MROH2B: variants seen among roughly 807,000 people sequenced by gnomAD.
The protein encoded by MROH2B is maestro heat-like repeat-containing protein family member 2B.
MROH2B carries 177 observed loss-of-function variants against 208.6 expected under a neutral mutation model. The observed-to-expected ratio is 0.85, with a 90% confidence interval of 0.75 to 0.96. MROH2B has a LOEUF of 0.96. MROH2B is among the 40% of genes least tolerant of loss of function. The pLI, the probability that MROH2B is intolerant of heterozygous loss-of-function variation, is 0.00. For missense variants in MROH2B, 2,002 were observed against 1,878.7 expected, an observed-to-expected ratio of 1.07 and a Z score of -1.21; for synonymous variants, 728 against 659.0, an observed-to-expected ratio of 1.10 and a Z score of -1.60.
rs1554046476 is a variant in MROH2B at position 41,004,425 on chromosome 5, A to AC, written c.4114_4115insG (p.Ile1372SerfsTer26). 1 of 1,613,646 alleles carries AC rather than the reference A, an allele frequency of 6.2e-7. No homozygotes were observed. The highest frequency in any genetic ancestry group is 1.3e-5 in the African/African-American group (1 of 74,864). On this transcript the variant is annotated frameshift_variant, in exon 37 of 42. Coordinates refer to ENST00000399564, the MANE Select transcript of MROH2B (RefSeq NM_173489.5). LOFTEE classifies it high-confidence loss of function. Reference sequence around the variant, plus strand: ...GTCTCGGTCTGTCAGCAGCTCCAGGATTTTTTTTAGAGCCTTCAAGCTTTC... The same window carrying AC: ...GTCTCGGTCTGTCAGCAGCTCCAGGACTTTTTTTTAGAGCCTTCAAGCTTTC...
At chr5:41,001,495 G>A (rs1184597139) in intron 37 of MROH2B, among the ~76,000 whole-genome samples, 1 of 152,132 alleles carries the variant, frequency 6.6e-6, no homozygotes, top group Non-Finnish European at 1.5e-5. Context: ...CAGATCACCT[G>A]AGGTCAAGAG....
chr5:41,000,759 C>G lies in MROH2B; in HGVS notation c.4269G>C (p.Lys1423Asn). ...DLAPLTGRRW[K>N]IFFAEEIKKS... ...TTTTTATTTCTTCAGCAAAAAAAAT[C>G]TTCCACCTTCTTCCTGTTAGGGGTG... Residue 1423 changes from lysine to asparagine, a missense_variant, in exon 38 of 42, where the codon AAG becomes AAC. Coordinates refer to ENST00000399564, the MANE Select transcript of MROH2B (RefSeq NM_173489.5). The G allele has an allele frequency of 6.2e-7, 1 of 1,610,448 alleles. No individual in the cohort carries two copies. Among genetic ancestry groups the G allele is most frequent in the Non-Finnish European group, 8.5e-7 (1 of 1,178,336 alleles).
At chr5:41,024,306 C>G (rs1292220405) in intron 24 of MROH2B, among the ~76,000 whole-genome samples, 1 of 152,006 alleles carries the variant, frequency 6.6e-6, no homozygotes, top group Non-Finnish European at 1.5e-5. Context: ...CATGCAGAGA[C>G]ACACATAGGC....
rs1042439530 is a variant in MROH2B, at chr5:41,042,211, G to T, written c.1837-3C>A. 16 of 1,528,304 alleles carry T rather than the reference G, an allele frequency of 1.0e-5. No homozygotes were observed. The African/African-American group carries it at 1.6e-4, about 16-fold the overall frequency. 94.7% of individuals were successfully genotyped at this position (1,528,304 alleles called of 1,614,324 possible). A position where few individuals can be genotyped will look rare whatever the true frequency, so the allele number is the denominator to read the frequency against. On this transcript the variant is annotated splice_region_variant and splice_polypyrimidine_tract_variant and intron_variant, in intron 18 of 41. Transcript: ENST00000399564. ...CCCAAGGCTTTCCAAAGGAATTTCTGGAAAACAAAAGATAAGCAACAGGAT... is the reference window on the plus strand; with the variant it reads ...CCCAAGGCTTTCCAAAGGAATTTCTTGAAAACAAAAGATAAGCAACAGGAT...
At chr5:41,015,858 T>A (rs942486157) in intron 28 of MROH2B, among the ~76,000 whole-genome samples, 19 of 152,340 alleles carry the variant, frequency 1.2e-4, no homozygotes, top group Non-Finnish European at 2.2e-4. Flanking sequence ...TATGCTGCTA[T>A]CTCTCTTGGA....
chr5:41,025,556 CA>C (rs1466942090), intron 24 of MROH2B, among the ~76,000 whole-genome samples: 1 of 151,882 alleles, frequency 6.6e-6, no homozygotes, highest in Non-Finnish European at 1.5e-5. Context: ...GCTTACCAAC[CA>C]AAAAAAGTCC....
chr5:41,045,684 C>A, intron 18 of MROH2B, 62 bp downstream of exon 18: 1 of 1,241,412 alleles, frequency 8.1e-7, no homozygotes, highest in Non-Finnish European at 1.2e-6. Flanking sequence ...CAAGATGGAG[C>A]TAGAGCAGCC....
At chr5:41,062,747 T>G (rs1035660340) in intron 5 of MROH2B, among the ~76,000 whole-genome samples, 11 of 152,210 alleles carry the variant, frequency 7.2e-5, no homozygotes, top group Non-Finnish European at 1.0e-4. Context: ...CGGCCATTTA[T>G]TGGCTCATTC....
At chr5:41,045,347 A>C (rs1237075866) in intron 18 of MROH2B, among the ~76,000 whole-genome samples, 3 of 152,142 alleles carry the variant, frequency 2.0e-5, no homozygotes, top group African/African-American at 7.2e-5. Flanking sequence ...AGCTTTTGTT[A>C]AATTGTAGTA....
chr5:41,010,164 G>A, intron 30 of MROH2B, 85 bp from the exon 31 acceptor site: 1 of 1,236,410 alleles, frequency 8.1e-7, no homozygotes. Flanking sequence ...GTCGTGGATG[G>A]GCAGCTGATG....
In MROH2B at chr5:41,038,977, T is replaced by C. The variant is rs73750227; in HGVS notation, c.2062-89A>G. On this transcript the variant is annotated intron_variant, in intron 20 of 41. Transcript: ENST00000399564. ...TTTTTCCTAATCCTGTGGACCACTA[T>C]AGGGGATAAGAAACTGGACTGGGAT... 580 of 1,210,092 alleles carry C rather than the reference T, an allele frequency of 4.8e-4. 3 individuals are homozygous for C. The African/African-American group carries it at 6.1e-3, about 13-fold the overall frequency. The allele number at this position is 1,210,092 out of a possible 1,614,324, so 75.0% of individuals were successfully genotyped here.
At chr5:41,061,338 C>A (rs934099709) in intron 6 of MROH2B, among the ~76,000 whole-genome samples, 1 of 152,002 alleles carries the variant, frequency 6.6e-6, no homozygotes, top group Non-Finnish European at 1.5e-5. Context: ...GCTACAACCT[C>A]GGCATCTGGA....
intron 30 of MROH2B, 130 bp downstream of exon 30, chr5:41,012,453 A>C: frequency 9.4e-6 from 8 of 854,936 alleles, no homozygotes; most frequent in African/African-American, 1.7e-5. Flanking sequence ...GTAGGTCTCT[A>C]ATGAGGCCTC....
intron 17 of MROH2B, among the ~76,000 whole-genome samples, chr5:41,046,133 T>A (rs1354760106): frequency 6.6e-6 from 1 of 152,168 alleles, no homozygotes; most frequent in African/African-American, 2.4e-5. Context: ...ACCTAAAATA[T>A]AAACTAATCC....
chr5:41,016,500 T>G (rs959709792), intron 28 of MROH2B, among the ~76,000 whole-genome samples: 4 of 129,370 alleles, frequency 3.1e-5, no homozygotes, highest in African/African-American at 1.2e-4. Flanking sequence ...ACTGTAATGT[T>G]TTTTTTTTTT....
At chr5:41,039,652 G>A in intron 19 of MROH2B, 97 bp from the exon 20 acceptor site, 1 of 795,350 alleles carries the variant, frequency 1.3e-6, no homozygotes, top group Non-Finnish European at 2.0e-6. Context: ...TCCTTTAGGT[G>A]CTGGGGGTAC....
rs1253777195 is a variant in MROH2B at position 41,054,775 on chromosome 5, TG to T, written c.1098del (p.Ser367ValfsTer4). The T allele has an allele frequency of 3.1e-6, 5 of 1,607,536 alleles. No homozygotes were observed. Among genetic ancestry groups the T allele is most frequent in the Non-Finnish European group, 4.3e-6 (5 of 1,176,258 alleles). ...TCTATTAATTCTCTTACTTTTGTACTGAGATCACCCATGACGATTTTGACTG... is the reference window on the plus strand; with the variant it reads ...TCTATTAATTCTCTTACTTTTGTACTAGATCACCCATGACGATTTTGACTG... ...ERTVKIVMGD[L>X]STKVRNSVLL... On this transcript the variant is annotated frameshift_variant, in exon 11 of 42. Coordinates refer to ENST00000399564, the MANE Select transcript of MROH2B (RefSeq NM_173489.5). LOFTEE classifies it high-confidence loss of function.
chr5:41,068,525 C>T (rs1016049362), intron 2 of MROH2B, among the ~76,000 whole-genome samples: 3 of 152,154 alleles, frequency 2.0e-5, no homozygotes, highest in Non-Finnish European at 4.4e-5. Flanking sequence ...GTTAGTGTTA[C>T]GTACTGATGC....
chr5:41,055,678 G>A lies in MROH2B; in HGVS notation c.1033+64C>T, dbSNP rs767786699. The A allele has an allele frequency of 4.3e-6, 5 of 1,175,352 alleles. No homozygotes were observed. In the Admixed American group the frequency reaches 6.8e-5, roughly 16 times the overall value. The allele number at this position is 1,175,352 out of a possible 1,614,324, so 72.8% of individuals were successfully genotyped here. A position where few individuals can be genotyped will look rare whatever the true frequency, so the allele number is the denominator to read the frequency against. On this transcript the variant is annotated intron_variant, in intron 10 of 41. Transcript: ENST00000399564. The stretch of plus-strand genomic sequence containing the variant: ...AAGACATAGGATAGGATTAGAGAGT[G>A]CATAGGCTTCAGTCTGCTTCTTGGC...
Sources: allele counts gnomAD v4.1 joint callset (sites outside exome capture counted in the v4.1 genomes callset), GRCh38; gene constraint gnomAD v4.1.1; transcripts MANE v1.5; gene names NCBI Gene and HGNC (gene_info 2026-07-23, HGNC 2026-07-21).